The following TTLL4 variants were observed in gnomAD, a reference collection of about 807,000 sequenced individuals.
TTLL4 encodes tubulin monoglutamylase TTLL4.
TTLL4 carries 85 observed loss-of-function variants against 122.7 expected under a neutral mutation model. The ratio of observed to expected loss-of-function variants is 0.69; its 90% confidence interval spans 0.58 to 0.83. TTLL4 has a LOEUF of 0.83. Among genes scored for constraint, TTLL4 ranks in the 40% least tolerant of loss-of-function variants. The pLI is 0.00. For missense variants in TTLL4, 1,363 were observed against 1,488.6 expected, an observed-to-expected ratio of 0.92 and a Z score of 1.39; for synonymous variants, 553 against 563.0, an observed-to-expected ratio of 0.98 and a Z score of 0.25.
intron 1 of TTLL4, among the ~76,000 whole-genome samples, chr2:218,725,906 A>G (rs1396339542): frequency 3.9e-5 from 6 of 151,960 alleles, no homozygotes; most frequent in Admixed American, 6.6e-5. Flanking sequence ...ATTTTTGACA[A>G]GTTTGTCTTT....
rs767562815 is a variant in TTLL4, at chr2:218,747,663, T to C, written c.2316T>C (p.Thr772=). The C allele has an allele frequency of 6.2e-7, 1 of 1,614,242 alleles. No homozygotes were observed. Among genetic ancestry groups the C allele is most frequent in the South Asian group, 1.1e-5 (1 of 91,088 alleles). Residue 772 remains threonine (T), a synonymous_variant, in exon 11 of 20, where the codon ACT becomes ACC. Transcript: ENST00000392102. This position sits in a 1 kb window ranked among gnomAD's most constrained non-coding sequence, Gnocchi z 4.7. ...KFDLRIYVYV[T]SYDPLRIYLF... is the part of the protein sequence containing the mutation. ...ACCTGCGGATCTATGTTTATGTCAC[T>C]TCCTACGATCCTCTGCGGATTTACC...
At chr2:218,714,386 A>C (rs1400532705) in intron 1 of TTLL4, among the ~76,000 whole-genome samples, 1 of 152,244 alleles carries the variant, frequency 6.6e-6, no homozygotes, top group Non-Finnish European at 1.5e-5. Flanking sequence ...TAGCTTTCTC[A>C]CTAGATTCCT....
intron 2 of TTLL4, among the ~76,000 whole-genome samples, chr2:218,731,138 C>G (rs545820057): frequency 1.3e-5 from 2 of 151,256 alleles, no homozygotes; most frequent in East Asian, 3.9e-4. Context: ...TGGCTGGGCA[C>G]GGTGGCTCAC....
chr2:218,740,323 G>A (rs1942664148), intron 4 of TTLL4, among the ~76,000 whole-genome samples, 156 bp downstream of exon 4: 1 of 152,108 alleles, frequency 6.6e-6, no homozygotes, highest in Non-Finnish European at 1.5e-5. Flanking sequence ...AGAGGACTTG[G>A]GTCTCTAGTC....
In TTLL4 at chr2:218,754,440, C is replaced by A. The variant is rs1247544141; in HGVS notation, c.*51C>A. The A allele has an allele frequency of 1.2e-6, 2 of 1,606,164 alleles. No homozygotes were observed. Among genetic ancestry groups the A allele is most frequent in the Non-Finnish European group, 1.7e-6 (2 of 1,176,344 alleles). ...CCAGGAGCATGGGCATCAGCTACCT[C>A]ACGGGAACCAGCCTGCTGTTCAGAC... On this transcript the variant is annotated 3_prime_UTR_variant, in exon 20 of 20. Transcript: ENST00000392102.
chr2:218,745,383 A>G, intron 6 of TTLL4, 150 bp downstream of exon 6: 1 of 1,014,140 alleles, frequency 9.9e-7, no homozygotes, highest in Non-Finnish European at 1.4e-6. Flanking sequence ...ATGTGGTCGT[A>G]GGTCTGATGC....
intron 2 of TTLL4, among the ~76,000 whole-genome samples, chr2:218,730,345 A>AAAAAAAAAAAAAAAAAT (rs1942341934): frequency 7.8e-6 from 1 of 128,326 alleles, no homozygotes; most frequent in Non-Finnish European, 1.6e-5. Flanking sequence ...AAAAAAAAAA[A>AAAAAAAAAAAAAAAAAT]AAAAGAAAAA....
rs761884779 is a variant in TTLL4 at position 218,745,704 on chromosome 2, C to T, written c.1800C>T (p.Pro600=). ...CATTCTTCCCAGTGGAGAAACTTCC[C>T]TGGGAACAGAGGAAGTTGCTCCGAT... The part of the protein sequence containing the change: ...GTRDERVEKL[P]WEQRKLLRWK... Residue 600 remains proline, a synonymous_variant, in exon 7 of 20, where the codon CCC becomes CCT. Transcript: ENST00000392102. 1.2e-6 allele frequency: 2 copies of T among 1,611,102 alleles called. No homozygotes were observed. Among genetic ancestry groups the T allele is most frequent in the Non-Finnish European group, 1.7e-6 (2 of 1,178,606 alleles).
chr2:218,753,785 G>A, intron 19 of TTLL4, 116 bp downstream of exon 19: 1 of 1,132,672 alleles, frequency 8.8e-7, no homozygotes, highest in Non-Finnish European at 1.3e-6. Flanking sequence ...GGGGGTTGGT[G>A]GGAGCGTCAG....
chr2:218,718,192 A>G (rs1022731684), intron 1 of TTLL4, among the ~76,000 whole-genome samples: 8 of 152,136 alleles, frequency 5.3e-5, no homozygotes, highest in Non-Finnish European at 8.8e-5. Flanking sequence ...GACCGAGGGA[A>G]ACACCTAGTT....
intron 8 of TTLL4, 110 bp downstream of exon 8, chr2:218,746,341 A>C (rs1343161522): frequency 5.0e-6 from 6 of 1,209,776 alleles, no homozygotes; most frequent in Non-Finnish European, 2.4e-6. Context: ...GACCATGGAG[A>C]AGTCAGGAAG....
At position 218,745,158 on chromosome 2, in the gene TTLL4, G is replaced by A; in HGVS notation, c.1711G>A (p.Val571Ile). The A allele has an allele frequency of 5.0e-6, 8 of 1,613,988 alleles. No individual in the cohort carries two copies. Among genetic ancestry groups the A allele is most frequent in the Non-Finnish European group, 5.1e-6 (6 of 1,179,962 alleles). The change falls in exon 6 of 20, where the codon GTC becomes ATC. Residue 571 changes from valine to isoleucine, a missense_variant. Transcript: ENST00000392102. ...ACCCCTTTCCAATCATGAGAAAGTT[G>A]TCCGACCAGCCCTCATCTACAGTCT... ...TKPLSNHEKVVRPALIYSLFP... is the reference protein window; with the variant it reads ...TKPLSNHEKVIRPALIYSLFP...
intron 3 of TTLL4, 30 bp downstream of exon 3, chr2:218,739,193 G>C (rs1942630629): frequency 1.3e-6 from 2 of 1,591,286 alleles, no homozygotes; most frequent in Non-Finnish European, 1.7e-6. Context: ...GGTTCATTTA[G>C]AGCAGTAGAA....
intron 5 of TTLL4, among the ~76,000 whole-genome samples, chr2:218,741,914 T>A (rs979438332): frequency 6.6e-6 from 1 of 152,218 alleles, no homozygotes; most frequent in Non-Finnish European, 1.5e-5. Context: ...TGCACATAAC[T>A]TTTTCTCTAT....
In TTLL4 at chr2:218,747,400, C is replaced by T. The variant is rs1259343982; in HGVS notation, c.2249+28C>T. 2 of 1,610,134 alleles carry T rather than the reference C, an allele frequency of 1.2e-6. No individual in the cohort carries two copies. The highest frequency in any genetic ancestry group is 2.2e-5 in the East Asian group (1 of 44,842). ...GAGCCTGTAGCACATATCCCTTACC[C>T]CATCCTCCCACCTCCTTGGCCTCGA... is the stretch of plus-strand genomic sequence containing the variant. On this transcript the variant is annotated intron_variant, in intron 10 of 19. Coordinates refer to ENST00000392102, the MANE Select transcript of TTLL4 (RefSeq NM_014640.5). The surrounding 1 kb of genome is among the most constrained non-coding windows in gnomAD (Gnocchi z 4.7).
rs372376363 is a variant in TTLL4, at chr2:218,732,724, C to T, written c.-98-4855C>T. ...TTCCTGTAGGGCAGTGGGCAGGATGCGGGAAAAGATGACCTGTGGCAGTGA... is the reference window on the plus strand; with the variant it reads ...TTCCTGTAGGGCAGTGGGCAGGATGTGGGAAAAGATGACCTGTGGCAGTGA... On this transcript the variant is annotated intron_variant, in intron 2 of 19. Coordinates refer to ENST00000392102, the MANE Select transcript of TTLL4 (RefSeq NM_014640.5). Among the ~76,000 whole-genome samples the T allele has an allele frequency of 1.2e-4, 18 of 152,238 alleles. No homozygotes were observed. In the East Asian group the frequency reaches 1.7e-3, roughly 15 times the overall value.
chr2:218,731,180 G>T (rs1215651383), intron 2 of TTLL4, among the ~76,000 whole-genome samples: 3 of 152,002 alleles, frequency 2.0e-5, no homozygotes, highest in Admixed American at 6.6e-5. Flanking sequence ...AGAGGCCGAG[G>T]TGGGTGGATC....
At chr2:218,741,058 G>A (rs1412381101) in intron 5 of TTLL4, among the ~76,000 whole-genome samples, 1 of 151,994 alleles carries the variant, frequency 6.6e-6, no homozygotes, top group East Asian at 1.9e-4. Flanking sequence ...GGGTGATGGA[G>A]CAAGACTTTG....
At position 218,749,264 on chromosome 2, in the gene TTLL4, A is replaced by G. The variant is rs373871833; in HGVS notation, c.2612A>G (p.Tyr871Cys). ...VVKTIISSEPYVTSLLKMYVR... is the reference protein window; with the variant it reads ...VVKTIISSEPCVTSLLKMYVR... ...ATCCCCATGACCAGGTCAGAGCCCT[A>G]TGTGACCAGCCTGCTCAAGATGTAT... Residue 871 changes from tyrosine to cysteine, a missense_variant, in exon 14 of 20, where the codon TAT becomes TGT. Physicochemically the swap from Tyr to Cys is radical, Grantham distance 194. Transcript: ENST00000392102. 2.3e-5 allele frequency: 37 copies of G among 1,613,960 alleles called. No homozygotes were observed. The highest frequency in any genetic ancestry group is 4.5e-5 in the East Asian group (2 of 44,890).
Sources: gnomAD v4.1 joint callset for allele counts (sites outside exome capture counted in the v4.1 genomes callset) on GRCh38, gnomAD v4.1.1 for gene constraint, Gnocchi (gnomAD v3.1) non-coding constraint, MANE v1.5 for transcripts, NCBI Gene and HGNC (gene_info 2026-07-23, HGNC 2026-07-21) for gene names.